The following RASGRF1 variants were observed in gnomAD, a reference collection of about 807,000 sequenced individuals.
RASGRF1 encodes the protein Ras protein specific guanine nucleotide releasing factor 1, also known as ras-specific guanine nucleotide-releasing factor 1.
A neutral mutation model predicts 138.7 loss-of-function variants in RASGRF1; 40 were observed. That is an observed-to-expected ratio of 0.29 (90% CI 0.22 to 0.38). The LOEUF is 0.38. RASGRF1 is among the 10% of genes least tolerant of loss of function. RASGRF1 has a pLI of 1.00. For synonymous variants in RASGRF1, 614 were observed against 663.2 expected (o/e 0.93, Z 1.14); for missense variants, 1,108 against 1,650.4 (o/e 0.67, Z 5.69).
At chr15:79,047,083 G>T (rs2057364304) in intron 4 of RASGRF1, 84 bp from the exon 5 acceptor site, 10 of 1,527,552 alleles carry the variant, frequency 6.5e-6, no homozygotes, top group Non-Finnish European at 8.8e-6. Context: ...CTCCCCAAGG[G>T]TAGGAACCAA....
chr15:78,986,638 C>A (rs373429010), intron 22 of RASGRF1, among the ~76,000 whole-genome samples: 2 of 151,936 alleles, frequency 1.3e-5, no homozygotes, highest in Non-Finnish European at 2.9e-5. Flanking sequence ...TGAGCCACCG[C>A]GCCCGGCCTT....
chr15:79,054,445 G>T (rs1300555572), intron 3 of RASGRF1, among the ~76,000 whole-genome samples: 1 of 152,220 alleles, frequency 6.6e-6, no homozygotes, highest in South Asian at 2.1e-4. Flanking sequence ...CTGAGTCGTT[G>T]TTGGGACTTT....
At chr15:79,008,794 C>T (rs551099383) in intron 13 of RASGRF1, among the ~76,000 whole-genome samples, 378 of 152,294 alleles carry the variant, frequency 2.5e-3, no homozygotes, top group African/African-American at 8.3e-3. Context: ...AGAGAAGCCA[C>T]GCCTGCTCAT....
intron 2 of RASGRF1, among the ~76,000 whole-genome samples, chr15:79,063,274 C>T (rs547500552): frequency 6.6e-6 from 1 of 152,150 alleles, no homozygotes; most frequent in Non-Finnish European, 1.5e-5. Flanking sequence ...ACAACCTGGT[C>T]TCTGTAGCTA....
At chr15:79,071,033 G>A (rs954606291) in intron 1 of RASGRF1, among the ~76,000 whole-genome samples, 10 of 152,244 alleles carry the variant, frequency 6.6e-5, no homozygotes, top group Non-Finnish European at 1.2e-4. Flanking sequence ...CTCCAGCCCC[G>A]GGAGAGCAGC....
chr15:79,017,990 G>A (rs2140975569), intron 11 of RASGRF1, 84 bp from the exon 12 acceptor site: 4 of 1,532,224 alleles, frequency 2.6e-6, no homozygotes, highest in African/African-American at 1.4e-5. Flanking sequence ...CCTGTCGTAC[G>A]TACCAGTGGA....
intron 3 of RASGRF1, among the ~76,000 whole-genome samples, chr15:79,049,846 G>C (rs560211166): frequency 6.6e-6 from 1 of 152,320 alleles, no homozygotes; most frequent in South Asian, 2.1e-4. Flanking sequence ...TGCCCAACCA[G>C]AGTGACCTTG....
Position 79,003,859 on chromosome 15 carries a change from C to T in RASGRF1, c.2392G>A (p.Asp798Asn), listed in dbSNP as rs756636571. ...TTCTCAGGGGTCGTATCGCCCTCATCTGGAATCTTGTTGGTGAAGCTGCTG... is the reference window on the plus strand; with the variant it reads ...TTCTCAGGGGTCGTATCGCCCTCATTTGGAATCTTGTTGGTGAAGCTGCTG... ...VSSSFTNKIP[D>N]EGDTTPEKPE... Residue 798 changes from aspartate to asparagine, a missense_variant, in exon 15 of 27, where the codon GAT (aspartate) becomes AAT (asparagine). Physicochemically the swap from Asp to Asn is conservative, Grantham distance 23 (BLOSUM62 1). This residue lies in a region of RASGRF1 where 686 missense variants were observed against 976.7 expected (regional missense o/e 0.70). Transcript: ENST00000558480. 1 of 1,613,802 alleles carries T rather than the reference C, an allele frequency of 6.2e-7. No individual in the cohort carries two copies. Among genetic ancestry groups the T allele is most frequent in the Non-Finnish European group, 8.5e-7 (1 of 1,179,928 alleles).
At chr15:79,035,610 G>A (rs1220305115) in intron 5 of RASGRF1, among the ~76,000 whole-genome samples, 2 of 152,220 alleles carry the variant, frequency 1.3e-5, no homozygotes, top group African/African-American at 4.8e-5. Context: ...CCAGGGCTCT[G>A]GCAAACACGA....
intron 4 of RASGRF1, among the ~76,000 whole-genome samples, chr15:79,047,732 T>G (rs922655374): frequency 5.3e-5 from 8 of 152,108 alleles, no homozygotes; most frequent in African/African-American, 1.9e-4. Flanking sequence ...GGGCCTTGAT[T>G]GACACACACA....
intron 19 of RASGRF1, among the ~76,000 whole-genome samples, chr15:78,996,202 T>G (rs7175689): frequency 6.6e-6 from 1 of 152,144 alleles, no homozygotes; most frequent in East Asian, 1.9e-4. Context: ...GCACAGGGAG[T>G]GGGGAGGCAG....
intron 22 of RASGRF1, chr15:78,985,463 T>C (rs1595870866): frequency 5.1e-6 from 2 of 388,740 alleles, no homozygotes; most frequent in Admixed American, 8.3e-5. Context: ...TGGGAATCTG[T>C]AAATACCTAG....
At chr15:79,054,205 G>T (rs2057477222) in intron 3 of RASGRF1, among the ~76,000 whole-genome samples, 1 of 152,032 alleles carries the variant, frequency 6.6e-6, no homozygotes, top group Non-Finnish European at 1.5e-5. Flanking sequence ...AGGGAAAGAG[G>T]TTATGGACAA....
intron 20 of RASGRF1, 131 bp downstream of exon 20, chr15:78,995,609 G>T (rs572307714): frequency 3.5e-6 from 4 of 1,142,260 alleles, no homozygotes; most frequent in Admixed American, 3.5e-5. Flanking sequence ...GTTTTAAGCC[G>T]CCCAGTTTGT....
chr15:79,030,416 C>A (rs1230483869), intron 8 of RASGRF1, among the ~76,000 whole-genome samples: 1 of 152,202 alleles, frequency 6.6e-6, no homozygotes, highest in Non-Finnish European at 1.5e-5. Flanking sequence ...CTTTTTCCTG[C>A]CCAAGCTAAT....
Position 78,962,140 on chromosome 15 carries a change from A to G in RASGRF1, c.*4T>C, listed in dbSNP as rs764274400. The G allele has an allele frequency of 4.5e-6, 7 of 1,547,008 alleles. No individual in the cohort carries two copies. The highest frequency in any genetic ancestry group is 1.4e-5 in the African/African-American group (1 of 73,322). ...GAGCAGCTGGGTCTGGGCTGGGCTC[A>G]GCTTCAGGTGGGGAGTTTTGGTTCT... is the stretch of plus-strand genomic sequence containing the variant. On this transcript the variant is annotated 3_prime_UTR_variant, in exon 27 of 27. Transcript: ENST00000558480.
At chr15:79,049,059 G>C (rs542046288) in intron 4 of RASGRF1, among the ~76,000 whole-genome samples, 1 of 152,312 alleles carries the variant, frequency 6.6e-6, no homozygotes, top group South Asian at 2.1e-4. Flanking sequence ...ACCGTGCTGG[G>C]TCTGCTGGGG....
At chr15:79,019,958 T>C in intron 11 of RASGRF1, 83 bp downstream of exon 11, 3 of 1,540,538 alleles carry the variant, frequency 1.9e-6, no homozygotes, top group Non-Finnish European at 2.7e-6. Flanking sequence ...CCAAAGAAAC[T>C]AATGCCTGGC....
chr15:79,002,565 A>G (rs2056557193), intron 15 of RASGRF1, among the ~76,000 whole-genome samples: 1 of 151,972 alleles, frequency 6.6e-6, no homozygotes, highest in Non-Finnish European at 1.5e-5. Context: ...ACACATATAC[A>G]CACACACACA....
Sources: allele counts gnomAD v4.1 joint callset (sites outside exome capture counted in the v4.1 genomes callset), GRCh38; gene constraint gnomAD v4.1.1; regional missense constraint gnomAD v4.1.1; transcripts MANE v1.5; gene names NCBI Gene and HGNC (gene_info 2026-07-23, HGNC 2026-07-21).